Variants in GRM5 observed in about 807,000 individuals in gnomAD.
GRM5 encodes glutamate metabotropic receptor 5, also known as metabotropic glutamate receptor 5.
Under a neutral mutation model 83.1 loss-of-function variants are expected in GRM5, and 19 were observed. The observed-to-expected ratio is 0.23, with a 90% CI of 0.16 to 0.34. GRM5 has a LOEUF of 0.34. Among genes scored for constraint, GRM5 ranks in the 10% least tolerant of loss-of-function variants. The probability of loss-of-function intolerance (pLI) is 1.00; values close to 1 mark genes in which losing one functional copy is unlikely to be tolerated. For missense variants in GRM5, 1,160 were observed against 1,588.3 expected, an observed-to-expected ratio of 0.73 and a Z score of 4.58; for synonymous variants, 675 against 633.6, an observed-to-expected ratio of 1.07 and a Z score of -0.98.
At chr11:88,774,381 C>T (rs4325318) in intron 3 of GRM5, among the ~76,000 whole-genome samples, 17,189 of 152,146 alleles carry the variant, frequency 0.11, 2,129 homozygotes, top group African/African-American at 0.31. Flanking sequence ...AACATACAAT[C>T]ATGTCATCTG....
At chr11:88,674,473 A>G (rs1054801533) in intron 3 of GRM5, among the ~76,000 whole-genome samples, 2 of 151,954 alleles carry the variant, frequency 1.3e-5, no homozygotes, top group East Asian at 1.9e-4. Flanking sequence ...AACACCTACT[A>G]GACAGCTTGC....
At chr11:88,609,414 C>T (rs1236912229) in intron 4 of GRM5, among the ~76,000 whole-genome samples, 1 of 152,132 alleles carries the variant, frequency 6.6e-6, no homozygotes, top group African/African-American at 2.4e-5. Context: ...AACCAGTCCA[C>T]CACTGATGGG....
intron 2 of GRM5, among the ~76,000 whole-genome samples, chr11:88,917,294 C>T (rs1398324630): frequency 6.6e-6 from 1 of 152,156 alleles, no homozygotes; most frequent in Non-Finnish European, 1.5e-5. Context: ...TGGGGTGCCC[C>T]CTAATGCACA....
rs151133635 is a variant in GRM5, at chr11:89,047,512, C to G, written c.361G>C (p.Glu121Gln). The part of the protein sequence containing the change: ...EFIRDSLISS[E>Q]EEEGLVRCVD... Reference sequence around the variant, plus strand: ...CAGCGTACCAAGCCTTCTTCCTCTTCTGAAGAAATGAGGGAATCTCTTATG... The same window carrying G: ...CAGCGTACCAAGCCTTCTTCCTCTTGTGAAGAAATGAGGGAATCTCTTATG... Residue 121 changes from glutamate to glutamine, a missense_variant, in exon 2 of 10, where the codon GAA (glutamate) becomes CAA (glutamine). Physicochemically the swap from Glu to Gln is conservative, Grantham distance 29. This residue lies in a region of GRM5 where 39 missense variants were observed against 36.7 expected (regional missense o/e 1.06). Coordinates refer to ENST00000305447, the MANE Select transcript of GRM5 (RefSeq NM_001143831.3). The surrounding 1 kb of genome is among the most constrained non-coding windows in gnomAD (Gnocchi z 5.1). 6.2e-7 allele frequency: 1 copy of G among 1,614,152 alleles called. No homozygotes were observed. The highest frequency in any genetic ancestry group is 8.5e-7 in the Non-Finnish European group (1 of 1,180,004).
chr11:88,763,280 T>TC (rs1161668470), intron 3 of GRM5, among the ~76,000 whole-genome samples: 1 of 5,090 alleles, frequency 2.0e-4, no homozygotes, highest in Non-Finnish European at 1.2e-3. Context: ...CTTGAGGGAG[T>TC]CTGTAGGGTT....
intron 2 of GRM5, among the ~76,000 whole-genome samples, chr11:88,850,556 G>C (rs1218362990): frequency 2.0e-5 from 3 of 151,208 alleles, no homozygotes; most frequent in Admixed American, 6.6e-5. Context: ...TGTATTTAAA[G>C]ATATAGTACA....
At chr11:88,942,927 G>C (rs966540462) in intron 2 of GRM5, among the ~76,000 whole-genome samples, 3 of 152,022 alleles carry the variant, frequency 2.0e-5, no homozygotes, top group African/African-American at 7.2e-5. Context: ...CAGACCAAAA[G>C]TTTTGGAACA....
intron 3 of GRM5, among the ~76,000 whole-genome samples, chr11:88,815,287 T>A (rs1943656405): frequency 6.6e-6 from 1 of 152,196 alleles, no homozygotes; most frequent in Non-Finnish European, 1.5e-5. Flanking sequence ...CTGAAAAATC[T>A]TCAATATTTG....
rs987929488 is a variant in GRM5 at position 88,649,450 on chromosome 11, T to C, written c.1147+3718A>G. Among the ~76,000 whole-genome samples, 37 of 144,228 alleles carry C rather than the reference T, an allele frequency of 2.6e-4. 2 individuals are homozygous for C. 94.6% of individuals were successfully genotyped at this position (144,228 alleles called of 152,430 possible). On this transcript the variant is annotated intron_variant, in intron 4 of 9. Coordinates refer to ENST00000305447, the MANE Select transcript of GRM5 (RefSeq NM_001143831.3). ...TATATGACATTTATTATGTATTATA[T>C]ATTATATATTACATATATACTATAT...
At chr11:88,886,989 G>T (rs1438508025) in intron 2 of GRM5, among the ~76,000 whole-genome samples, 4 of 152,114 alleles carry the variant, frequency 2.6e-5, no homozygotes, top group Non-Finnish European at 5.9e-5. Flanking sequence ...AAGGCCAACA[G>T]CCCCACCTAG....
chr11:88,656,599 C>T (rs528113758), intron 3 of GRM5, among the ~76,000 whole-genome samples: 4 of 152,066 alleles, frequency 2.6e-5, no homozygotes, highest in South Asian at 2.1e-4. Flanking sequence ...TTTGCATGTT[C>T]GTGTTTTTTA....
At chr11:88,842,769 C>A (rs138023223) in intron 3 of GRM5, among the ~76,000 whole-genome samples, 4 of 152,062 alleles carry the variant, frequency 2.6e-5, no homozygotes, top group Non-Finnish European at 5.9e-5. Flanking sequence ...TTAACAAACA[C>A]GTCCTTGATT....
chr11:88,875,097 T>C (rs2135565990), intron 2 of GRM5, among the ~76,000 whole-genome samples: 1 of 143,260 alleles, frequency 7.0e-6, no homozygotes, highest in Middle Eastern at 3.6e-3. Flanking sequence ...TTTTTTTTCA[T>C]GAAAGATTTC....
chr11:88,898,416 A>C (rs1945267458), intron 2 of GRM5, among the ~76,000 whole-genome samples: 1 of 152,104 alleles, frequency 6.6e-6, no homozygotes, highest in South Asian at 2.1e-4. Context: ...GCGGGAACAT[A>C]ATTCAACCAA....
intron 3 of GRM5, among the ~76,000 whole-genome samples, chr11:88,778,456 G>A (rs1942905979): frequency 6.6e-6 from 1 of 152,170 alleles, no homozygotes; most frequent in South Asian, 2.1e-4. Context: ...TCTGTGGGCT[G>A]CACCCACTGT....
intron 3 of GRM5, among the ~76,000 whole-genome samples, chr11:88,800,249 C>A (rs1038977294): frequency 8.6e-5 from 13 of 152,042 alleles, no homozygotes; most frequent in African/African-American, 3.1e-4. Flanking sequence ...AAAGTCAAAT[C>A]TCCTGATTCC....
rs578241452 is a variant in GRM5 at position 88,965,622 on chromosome 11, CAGACA to C, written c.661+81585_661+81589del. ...AAAGCTGGAGTAGCAATATTAATAACAGACAAGGTAGAATTCAGAACCAGGTATAT... is the reference window on the plus strand; with the variant it reads ...AAAGCTGGAGTAGCAATATTAATAACAGGTAGAATTCAGAACCAGGTATAT... On this transcript the variant is annotated intron_variant, in intron 2 of 9. Coordinates refer to ENST00000305447, the MANE Select transcript of GRM5 (RefSeq NM_001143831.3). Among the ~76,000 whole-genome samples, 876 of 150,996 alleles carry C rather than the reference CAGACA, an allele frequency of 5.8e-3. 3 individuals carry two copies. The highest frequency in any genetic ancestry group is 7.4e-3 in the Non-Finnish European group (501 of 67,992).
At chr11:88,951,012 A>G (rs1938443399) in intron 2 of GRM5, among the ~76,000 whole-genome samples, 1 of 152,242 alleles carries the variant, frequency 6.6e-6, no homozygotes, top group African/African-American at 2.4e-5. Flanking sequence ...GAATTTATTT[A>G]GCAGAGAAAA....
At chr11:88,773,786 C>A (rs1345518087) in intron 3 of GRM5, among the ~76,000 whole-genome samples, 2 of 152,068 alleles carry the variant, frequency 1.3e-5, no homozygotes, top group Non-Finnish European at 2.9e-5. Flanking sequence ...ATTTCTGAGG[C>A]CTCTATTCTG....
Sources: allele counts gnomAD v4.1 joint callset (sites outside exome capture counted in the v4.1 genomes callset), GRCh38; gene constraint gnomAD v4.1.1; regional missense constraint gnomAD v4.1.1; non-coding constraint Gnocchi (gnomAD v3.1); transcripts MANE v1.5; gene names NCBI Gene and HGNC (gene_info 2026-07-23, HGNC 2026-07-21).